Variants in PTPRS observed in about 807,000 individuals in gnomAD.
PTPRS encodes receptor-type tyrosine-protein phosphatase S.
In PTPRS, 63 loss-of-function variants were observed where a neutral mutation model predicts 215.3. The observed-to-expected ratio is 0.29, with a 90% CI of 0.24 to 0.36. The LOEUF (loss-of-function observed/expected upper bound fraction) is 0.36, where lower values mean the gene tolerates loss of function less well. PTPRS is among the 10% of genes least tolerant of loss of function. The pLI, the probability that PTPRS is intolerant of heterozygous loss-of-function variation, is 1.00. For missense variants in PTPRS, 2,258 were observed against 2,825.8 expected (o/e 0.80, Z 4.56); for synonymous variants, 1,404 against 1,191.4 (o/e 1.18, Z -3.68).
chr19:5,207,054 C>T (rs2040422718), intron 37 of PTPRS, among the ~76,000 whole-genome samples: 1 of 152,204 alleles, frequency 6.6e-6, no homozygotes, highest in Non-Finnish European at 1.5e-5. Flanking sequence ...ACGCCCTCTC[C>T]TCCCGTCTGC....
rs532311445 is a variant in PTPRS, at chr19:5,256,757, C to G, written c.707-638G>C. Reference sequence around the variant, plus strand: ...TACACCCACATCCCCATCCCCTCCCCCTCCATGCGACCTCCTCCTCAGAGA... The same window carrying G: ...TACACCCACATCCCCATCCCCTCCCGCTCCATGCGACCTCCTCCTCAGAGA... On this transcript the variant is annotated intron_variant, in intron 8 of 37. Coordinates refer to ENST00000262963, the MANE Select transcript of PTPRS (RefSeq NM_002850.4). Among the ~76,000 whole-genome samples the G allele has an allele frequency of 1.8e-4, 27 of 152,230 alleles. No homozygotes were observed. The South Asian group carries it at 2.1e-3, about 12-fold the overall frequency.
At chr19:5,275,190 C>A (rs1459907918) in intron 2 of PTPRS, among the ~76,000 whole-genome samples, 1 of 151,620 alleles carries the variant, frequency 6.6e-6, no homozygotes, top group Non-Finnish European at 1.5e-5. Flanking sequence ...CCTGCCTCAG[C>A]CTCCCGAGTA....
intron 16 of PTPRS, 71 bp from the exon 17 acceptor site, chr19:5,225,915 G>T: frequency 7.7e-7 from 1 of 1,306,766 alleles, no homozygotes; most frequent in African/African-American, 1.5e-5. Context: ...CACTCCCCGT[G>T]CTGAGAACAA....
chr19:5,335,863 C>A (rs1479637286), intron 1 of PTPRS, among the ~76,000 whole-genome samples: 5 of 152,036 alleles, frequency 3.3e-5, no homozygotes, highest in Non-Finnish European at 7.4e-5. Context: ...TGTGGAATAT[C>A]CCCTCGGCCT....
rs2145138478 is a variant in PTPRS, at chr19:5,214,642, G to A, written c.4413C>T (p.Thr1471=). The change falls in exon 29 of 38, where the codon ACC becomes ACT. Residue 1471 remains threonine (T), a synonymous_variant. Transcript: ENST00000262963. ...ACACCATACGCCAGAAGTCCCCAAA[G>A]GTCTCAGGCAGCGGCCCCTGCGTGG... ...YIATQGPLPE[T]FGDFWRMVWE... 2 of 1,613,322 alleles carry A rather than the reference G, an allele frequency of 1.2e-6. No homozygotes were observed. The highest frequency in any genetic ancestry group is 1.7e-6 in the Non-Finnish European group (2 of 1,179,976).
At chr19:5,303,436 G>A (rs2049366546) in intron 1 of PTPRS, among the ~76,000 whole-genome samples, 1 of 152,178 alleles carries the variant, frequency 6.6e-6, no homozygotes, top group African/African-American at 2.4e-5. Context: ...TGAGTGCTGG[G>A]GACACAGTAC....
At chr19:5,272,823 G>T (rs2009994) in intron 4 of PTPRS, among the ~76,000 whole-genome samples, 86,899 of 151,644 alleles carry the variant, frequency 0.57, 25,093 homozygotes, top group Middle Eastern at 0.7. Context: ...CCAAAGTGCT[G>T]GGATTGCAGG....
At position 5,262,968 on chromosome 19, in the gene PTPRS, G is replaced by A. The variant is rs118081237; in HGVS notation, c.573C>T (p.Thr191=). The A allele has an allele frequency of 1.3e-6, 2 of 1,513,804 alleles. No individual in the cohort carries two copies. Among genetic ancestry groups the A allele is most frequent in the South Asian group, 1.2e-5 (1 of 86,128 alleles). 93.8% of individuals were successfully genotyped at this position (1,513,804 alleles called of 1,614,324 possible). The change falls in exon 6 of 38, where the codon ACC becomes ACT. Residue 191 remains threonine, a synonymous_variant. Transcript: ENST00000262963. ...TGGTGATGAAATCAGACTTACCAAAGGTTTCTGAACGTTTACAACAGGAGG... is the reference window on the plus strand; with the variant it reads ...TGGTGATGAAATCAGACTTACCAAAAGTTTCTGAACGTTTACAACAGGAGG... ...NGRIKQLRSE[T]FESTPIRGAL...
chr19:5,291,942 G>A (rs1420417873), intron 1 of PTPRS, among the ~76,000 whole-genome samples: 2 of 151,648 alleles, frequency 1.3e-5, no homozygotes, highest in Non-Finnish European at 2.9e-5. Flanking sequence ...CTCCCACAGG[G>A]GTATTTACAC....
chr19:5,241,079 G>A (rs1363200352), intron 11 of PTPRS, among the ~76,000 whole-genome samples: 1 of 150,928 alleles, frequency 6.6e-6, no homozygotes, highest in African/African-American at 2.4e-5. Flanking sequence ...TAGTAGAGAC[G>A]GGATTTCACC....
rs759979008 is a variant in PTPRS at position 5,223,310 on chromosome 19, G to C, written c.2495-13C>G. 3.5e-6 allele frequency: 5 copies of C among 1,444,180 alleles called. No individual in the cohort carries two copies. The African/African-American group carries it at 7.4e-5, about 21-fold the overall frequency. 89.5% of individuals were successfully genotyped at this position (1,444,180 alleles called of 1,614,324 possible). A position where few individuals can be genotyped will look rare whatever the true frequency, so the allele number is the denominator to read the frequency against. On this transcript the variant is annotated splice_polypyrimidine_tract_variant and intron_variant, in intron 17 of 37. Transcript: ENST00000262963. ...GGGCGGCCCAGCACTGCGGGGATAC[G>C]GGGCAGGTGTCAGGGTCCCAGCGCC... is the stretch of plus-strand genomic sequence containing the variant.
chr19:5,310,123 G>A (rs559994418), intron 1 of PTPRS, among the ~76,000 whole-genome samples: 9 of 152,028 alleles, frequency 5.9e-5, no homozygotes, highest in African/African-American at 2.2e-4. Context: ...CATGCCAGGT[G>A]CGGTCCTGCC....
At chr19:5,233,659 C>G (rs905029342) in intron 13 of PTPRS, among the ~76,000 whole-genome samples, 3 of 149,266 alleles carry the variant, frequency 2.0e-5, no homozygotes, top group African/African-American at 7.4e-5. Context: ...GCATAAGAAT[C>G]TCGGCCGGGC....
At position 5,229,538 on chromosome 19, in the gene PTPRS, C is replaced by G. The variant is rs1175059175; in HGVS notation, c.2302G>C (p.Ala768Pro). Residue 768 changes from alanine to proline, a missense_variant, in exon 15 of 38, where the codon GCC (alanine) becomes CCC (proline). Around this residue, in one of 6 missense-constraint regions of PTPRS, gnomAD observed 371 missense variants for 446.7 expected, o/e 0.83. Coordinates refer to ENST00000262963, the MANE Select transcript of PTPRS (RefSeq NM_002850.4). Reference protein sequence around the residue: ...VHYVRMEGAEARGPPRIKDVM... With the variant: ...VHYVRMEGAEPRGPPRIKDVM... ...TCCTTGATGCGCGGCGGCCCGCGGG[C>G]CTCGGCGCCCTCCATGCGCACGTAG... is the stretch of plus-strand genomic sequence containing the variant. 6.8e-7 allele frequency: 1 copy of G among 1,464,654 alleles called. No individual in the cohort carries two copies. The highest frequency in any genetic ancestry group is 9.0e-7 in the Non-Finnish European group (1 of 1,110,442). 90.7% of individuals were successfully genotyped at this position (1,464,654 alleles called of 1,614,324 possible).
intron 33 of PTPRS, 42 bp downstream of exon 33, chr19:5,211,548 G>A (rs536709073): frequency 2.5e-6 from 4 of 1,577,700 alleles, no homozygotes; most frequent in African/African-American, 2.7e-5. Context: ...GTAGAGATGG[G>A]CTCCTTCTGG....
At chr19:5,328,620 C>T (rs1389754195) in intron 1 of PTPRS, among the ~76,000 whole-genome samples, 1 of 152,188 alleles carries the variant, frequency 6.6e-6, no homozygotes, top group Non-Finnish European at 1.5e-5. Flanking sequence ...AGCATTTCCG[C>T]TGGGAACCCA....
chr19:5,228,345 G>GAAAAAAAAAAAAAAAAAAA (rs1491502602), intron 16 of PTPRS, among the ~76,000 whole-genome samples: 10 of 33,266 alleles, frequency 3.0e-4, no homozygotes, highest in African/African-American at 7.6e-4. Flanking sequence ...ACTCCGTCTG[G>GAAAAAAAAAAAAAAAAAAA]AGAAAAAAAA....
At chr19:5,282,024 C>T (rs916671747) in intron 2 of PTPRS, among the ~76,000 whole-genome samples, 1 of 152,120 alleles carries the variant, frequency 6.6e-6, no homozygotes, top group South Asian at 2.1e-4. Flanking sequence ...ATGCCCCCAC[C>T]GCAGCCTGGG....
rs2042992887 is a variant in PTPRS, at chr19:5,231,291, GC to G, written c.2155+18del. On this transcript the variant is annotated intron_variant, in intron 14 of 37. Coordinates refer to ENST00000262963, the MANE Select transcript of PTPRS (RefSeq NM_002850.4). Reference sequence around the variant, plus strand: ...GGCTGGGGCCTGCGGGGGGTCCCGGGCCTGGGGCAGGTACTTACCATCCTCG... The same window carrying G: ...GGCTGGGGCCTGCGGGGGGTCCCGGGCTGGGGCAGGTACTTACCATCCTCG... 6.3e-7 allele frequency: 1 copy of G among 1,585,554 alleles called. No individual in the cohort carries two copies. Among genetic ancestry groups the G allele is most frequent in the African/African-American group, 1.3e-5 (1 of 74,602 alleles).
Sources: gnomAD v4.1 joint callset for allele counts (sites outside exome capture counted in the v4.1 genomes callset) on GRCh38, gnomAD v4.1.1 for gene constraint, gnomAD v4.1.1 regional missense constraint, MANE v1.5 for transcripts, NCBI Gene and HGNC (gene_info 2026-07-23, HGNC 2026-07-21) for gene names.